COL19A1: variants seen among roughly 807,000 people sequenced by gnomAD.
COL19A1 encodes collagen type XIX alpha 1 chain.
COL19A1 carries 159 observed loss-of-function variants against 190.2 expected under a neutral mutation model. That is an observed-to-expected ratio of 0.84 (90% CI 0.73 to 0.95). The LOEUF is 0.95. COL19A1 is among the 40% of genes least tolerant of loss of function. The pLI is 0.00. For synonymous variants in COL19A1, 509 were observed against 458.9 expected, an observed-to-expected ratio of 1.11 and a Z score of -1.39; for missense variants, 1,418 against 1,431.9, an observed-to-expected ratio of 0.99 and a Z score of 0.16.
chr6:70,040,897 C>T (rs1372750430), intron 14 of COL19A1, among the ~76,000 whole-genome samples: 1 of 152,112 alleles, frequency 6.6e-6, no homozygotes, highest in Non-Finnish European at 1.5e-5. Flanking sequence ...CCAGATTATT[C>T]TAACAATAAA....
chr6:69,879,501 TA>T, intron 1 of COL19A1, 34 bp from the exon 2 acceptor site: 1 of 1,315,976 alleles, frequency 7.6e-7, no homozygotes, highest in Non-Finnish European at 1.1e-6. Context: ...CTGCATACAA[TA>T]AACTTTATTC....
intron 15 of COL19A1, among the ~76,000 whole-genome samples, chr6:70,083,291 A>C (rs1160994075): frequency 1.3e-5 from 2 of 152,204 alleles, no homozygotes; most frequent in African/African-American, 2.4e-5. Context: ...GGGAATCTTT[A>C]TGTGCCTTAT....
chr6:69,985,411 G>C (rs1248621890), intron 11 of COL19A1, among the ~76,000 whole-genome samples: 1 of 152,120 alleles, frequency 6.6e-6, no homozygotes, highest in Non-Finnish European at 1.5e-5. Flanking sequence ...GGCGAGTTCA[G>C]CAACATTAGC....
At chr6:69,987,278 G>A (rs1185353361) in intron 11 of COL19A1, among the ~76,000 whole-genome samples, 1 of 151,968 alleles carries the variant, frequency 6.6e-6, no homozygotes, top group Non-Finnish European at 1.5e-5. Context: ...TCCTCAAAGT[G>A]GAATTATAAA....
At chr6:70,170,273 G>A (rs1339256257) in intron 40 of COL19A1, among the ~76,000 whole-genome samples, 1 of 151,896 alleles carries the variant, frequency 6.6e-6, no homozygotes, top group Non-Finnish European at 1.5e-5. Flanking sequence ...CAGCTGTCCT[G>A]TAGGGAAAAA....
intron 47 of COL19A1, 86 bp downstream of exon 47, chr6:70,188,331 A>G: frequency 7.0e-7 from 1 of 1,430,386 alleles, no homozygotes; most frequent in Admixed American, 2.8e-5. Context: ...ACTGCCTTTC[A>G]AATAAATAAA....
intron 11 of COL19A1, among the ~76,000 whole-genome samples, chr6:70,019,850 C>A (rs1778320375): frequency 6.6e-6 from 1 of 151,948 alleles, no homozygotes; most frequent in African/African-American, 2.4e-5. Context: ...ATCTTTAATG[C>A]TGCAGTTTTG....
At chr6:70,001,009 A>T (rs868108756) in intron 11 of COL19A1, among the ~76,000 whole-genome samples, 32 of 152,178 alleles carry the variant, frequency 2.1e-4, no homozygotes, top group African/African-American at 7.5e-4. Context: ...TGGGTTTTAC[A>T]TTTAAGTCTT....
rs369152012 is a variant in COL19A1 at position 70,205,903 on chromosome 6, C to T, written c.3224-998C>T. 1.1e-3 allele frequency among the ~76,000 whole-genome samples: 164 copies of T among 152,310 alleles called. 5 individuals are homozygous for T. The South Asian group carries it at 0.013, about 13-fold the overall frequency. On this transcript the variant is annotated intron_variant, in intron 49 of 50. Coordinates refer to ENST00000620364, the MANE Select transcript of COL19A1 (RefSeq NM_001858.6). ...TGATGAAGTACATTTGGGAGACTGT[C>T]AGTCTCCTCTCTTGTTTCCTAGCTT...
intron 42 of COL19A1, 109 bp downstream of exon 42, chr6:70,176,673 G>T: frequency 1.1e-6 from 1 of 904,696 alleles, no homozygotes; most frequent in Admixed American, 2.9e-5. Flanking sequence ...TAACTCCCAT[G>T]GCATTAGGTT....
At chr6:69,890,719 T>A (rs1295341814) in intron 2 of COL19A1, 1 of 152,280 alleles carries the variant, frequency 6.6e-6, no homozygotes, top group Middle Eastern at 3.2e-3. Flanking sequence ...TCCTGTATTT[T>A]ATTAGCTATG....
intron 4 of COL19A1, among the ~76,000 whole-genome samples, chr6:69,922,578 T>G (rs2150004005): frequency 6.6e-6 from 1 of 150,738 alleles, no homozygotes; most frequent in East Asian, 2.0e-4. Context: ...CCTCCTGGGT[T>G]CAAACAATTC....
intron 4 of COL19A1, among the ~76,000 whole-genome samples, chr6:69,919,565 C>G (rs1304768383): frequency 6.6e-6 from 1 of 151,200 alleles, no homozygotes; most frequent in African/African-American, 2.4e-5. Flanking sequence ...AAATTTTGAC[C>G]AGAAAAAAAA....
At position 70,145,006 on chromosome 6, in the gene COL19A1, C is replaced by A. The variant is rs376948239; in HGVS notation, c.1769C>A (p.Pro590Gln). Reference protein sequence around the residue: ...GPPGKSLPGEPGLDGNPGAPG... With the variant: ...GPPGKSLPGEQGLDGNPGAPG... ...CCAGGGAAAAGCCTGCCAGGGGAACCAGTAAGTATTAGCCCTTTTGTTAAT... is the reference window on the plus strand; with the variant it reads ...CCAGGGAAAAGCCTGCCAGGGGAACAAGTAAGTATTAGCCCTTTTGTTAAT... The change falls in exon 25 of 51, where the codon CCA (proline) becomes CAA (glutamine). Residue 590 changes from proline (P) to glutamine (Q), a missense_variant and splice_region_variant. Pro to Gln is a moderately conservative substitution (Grantham distance 76, BLOSUM62 -1). Coordinates refer to ENST00000620364, the MANE Select transcript of COL19A1 (RefSeq NM_001858.6). The A allele has an allele frequency of 4.4e-6, 7 of 1,577,776 alleles. No individual in the cohort carries two copies. The African/African-American group carries it at 6.9e-5, about 16-fold the overall frequency.
At chr6:70,185,597 T>C (rs1449685426) in intron 46 of COL19A1, among the ~76,000 whole-genome samples, 1 of 152,232 alleles carries the variant, frequency 6.6e-6, no homozygotes, top group Admixed American at 6.5e-5. Flanking sequence ...TTGCAATTTC[T>C]CTTTATTTCC....
chr6:69,868,303 A>G (rs893357534), intron 1 of COL19A1, among the ~76,000 whole-genome samples: 4 of 151,902 alleles, frequency 2.6e-5, no homozygotes, highest in Non-Finnish European at 5.9e-5. Context: ...CTAAGTAGAG[A>G]GATCTTTGAT....
chr6:70,019,300 C>G (rs550770763), intron 11 of COL19A1, among the ~76,000 whole-genome samples: 53 of 152,154 alleles, frequency 3.5e-4, no homozygotes, highest in African/African-American at 1.2e-3. Context: ...ATGTAAGGTG[C>G]TTAGCACAGG....
chr6:69,896,741 G>A (rs987325514), intron 2 of COL19A1, among the ~76,000 whole-genome samples: 1 of 152,102 alleles, frequency 6.6e-6, no homozygotes, highest in African/African-American at 2.4e-5. Flanking sequence ...GATAACTAAT[G>A]ATGTTGAGCA....
intron 2 of COL19A1, among the ~76,000 whole-genome samples, chr6:69,894,754 C>T (rs1339370085): frequency 1.3e-5 from 2 of 152,148 alleles, no homozygotes; most frequent in Non-Finnish European, 2.9e-5. Context: ...GCCATGCCCC[C>T]AGGATGTAAA....
Sources: gnomAD v4.1 joint callset for allele counts (sites outside exome capture counted in the v4.1 genomes callset) on GRCh38, gnomAD v4.1.1 for gene constraint, MANE v1.5 for transcripts, NCBI Gene and HGNC (gene_info 2026-07-23, HGNC 2026-07-21) for gene names.